Variants in GALNT14 observed in about 807,000 individuals in gnomAD.
The protein encoded by GALNT14 is polypeptide N-acetylgalactosaminyltransferase 14, also known as UDP-GalNAc:polypeptide N-acetylgalactosaminyltransferase 14.
A neutral mutation model predicts 77.5 loss-of-function variants in GALNT14; 60 were observed. The ratio of observed to expected loss-of-function variants is 0.77; its 90% CI spans 0.63 to 0.96. The LOEUF (loss-of-function observed/expected upper bound fraction) is 0.96. GALNT14 is among the 40% of genes least tolerant of loss of function. The pLI, the probability that GALNT14 is intolerant of heterozygous loss-of-function variation, is 0.00. For synonymous variants in GALNT14, 280 were observed against 281.7 expected (o/e 0.99, Z 0.06); for missense variants, 710 against 731.0 (o/e 0.97, Z 0.33).
chr2:30,910,736 CCT>C lies in GALNT14; in HGVS notation c.*163_*164del, dbSNP rs981875045. The C allele has an allele frequency of 1.2e-4, 78 of 654,022 alleles. No individual in the cohort carries two copies. The highest frequency in any genetic ancestry group is 1.9e-4 in the Non-Finnish European group (74 of 395,088). 40.5% of individuals were successfully genotyped at this position (654,022 alleles called of 1,614,324 possible). On this transcript the variant is annotated 3_prime_UTR_variant, in exon 15 of 15. Coordinates refer to ENST00000349752, the MANE Select transcript of GALNT14 (RefSeq NM_024572.4). The stretch of plus-strand genomic sequence containing the variant: ...GAGCCCCATTGGCTTGTGATGTTTT[CCT>C]CTGTCCTCCCTGAGACAGTTGCTCC...
At chr2:30,928,693 T>C (rs966530595) in intron 11 of GALNT14, among the ~76,000 whole-genome samples, 2 of 152,172 alleles carry the variant, frequency 1.3e-5, no homozygotes, top group Admixed American at 1.3e-4. Context: ...CTCGGCTCAC[T>C]GCAACCTCCG....
intron 1 of GALNT14, among the ~76,000 whole-genome samples, chr2:31,074,362 C>T (rs1288336394): frequency 3.9e-5 from 6 of 152,078 alleles, no homozygotes; most frequent in South Asian, 4.1e-4. Context: ...CCATATGCAG[C>T]GCTAGGCACA....
At position 31,138,132 on chromosome 2, in the gene GALNT14, A is replaced by C. The variant is rs748313233; in HGVS notation, c.-46T>G. 6.2e-7 allele frequency: 1 copy of C among 1,610,794 alleles called. No homozygotes were observed. Among genetic ancestry groups the C allele is most frequent in the Non-Finnish European group, 8.5e-7 (1 of 1,178,588 alleles). The stretch of plus-strand genomic sequence containing the variant: ...CTCCGCGGCGCTACGTCCCGGGGGC[A>C]CCCCCCGGCGGTCAGGGTTGGCGGG... On this transcript the variant is annotated 5_prime_UTR_variant, in exon 1 of 15. Coordinates refer to ENST00000349752, the MANE Select transcript of GALNT14 (RefSeq NM_024572.4).
At chr2:30,993,112 G>A (rs1669820310) in intron 1 of GALNT14, 105 bp from the exon 2 acceptor site, 1 of 1,244,580 alleles carries the variant, frequency 8.0e-7, no homozygotes, top group South Asian at 1.5e-5. Flanking sequence ...ATTCTGGCAA[G>A]GTTTGGCTCA....
intron 1 of GALNT14, among the ~76,000 whole-genome samples, chr2:31,113,723 C>A (rs955593565): frequency 6.6e-6 from 1 of 151,916 alleles, no homozygotes; most frequent in African/African-American, 2.4e-5. Context: ...CCCTTTCTAG[C>A]CTCATGCATT....
chr2:31,010,367 AG>A (rs1022664523), intron 1 of GALNT14, among the ~76,000 whole-genome samples: 26 of 152,196 alleles, frequency 1.7e-4, no homozygotes, highest in African/African-American at 5.8e-4. Flanking sequence ...TGGGAGGCCA[AG>A]GCGGGCAGAT....
At chr2:30,947,957 A>G (rs750613492) in intron 6 of GALNT14, among the ~76,000 whole-genome samples, 10 of 152,216 alleles carry the variant, frequency 6.6e-5, no homozygotes, top group Non-Finnish European at 1.3e-4. Context: ...GTTCATTCAT[A>G]GTCAGCACTG....
chr2:31,010,370 C>G (rs12989187), intron 1 of GALNT14, among the ~76,000 whole-genome samples: 1 of 151,942 alleles, frequency 6.6e-6, no homozygotes, highest in South Asian at 2.1e-4. Context: ...GAGGCCAAGG[C>G]GGGCAGATCA....
At chr2:30,982,429 C>T (rs1269574895) in intron 2 of GALNT14, among the ~76,000 whole-genome samples, 2 of 152,122 alleles carry the variant, frequency 1.3e-5, no homozygotes, top group Non-Finnish European at 2.9e-5. Context: ...CACTGATAGT[C>T]GAGTAGATAT....
chr2:31,072,463 G>GCC (rs1305789436), intron 1 of GALNT14, among the ~76,000 whole-genome samples: 2 of 149,680 alleles, frequency 1.3e-5, no homozygotes, highest in Non-Finnish European at 3.0e-5. Context: ...TCCTCTTTCT[G>GCC]CCCTATATCT....
chr2:31,130,788 G>GCA (rs1270451657), intron 1 of GALNT14, among the ~76,000 whole-genome samples: 7 of 141,100 alleles, frequency 5.0e-5, no homozygotes, highest in African/African-American at 1.9e-4. Context: ...GTGTGTGCGC[G>GCA]CGCACCTGTG....
chr2:31,119,330 T>C (rs1297811650), intron 1 of GALNT14, among the ~76,000 whole-genome samples: 2 of 152,046 alleles, frequency 1.3e-5, no homozygotes, highest in Admixed American at 1.3e-4. Flanking sequence ...TAAAGAACTA[T>C]CAATAACATG....
At chr2:30,954,250 C>A (rs1224235379) in intron 6 of GALNT14, among the ~76,000 whole-genome samples, 1 of 152,164 alleles carries the variant, frequency 6.6e-6, no homozygotes, top group East Asian at 1.9e-4. Context: ...TGGAGGGAGG[C>A]GTGCATTTGG....
intron 1 of GALNT14, among the ~76,000 whole-genome samples, chr2:31,130,804 G>A (rs1426888591): frequency 6.7e-6 from 1 of 150,248 alleles, no homozygotes; most frequent in South Asian, 2.1e-4. Context: ...CTGTGTGTGT[G>A]CCTGTGTGTG....
Position 30,911,069 on chromosome 2 carries a change from CAAAG to C in GALNT14, c.1501-14_1501-11del. ...CAGTTTTGGTCCATTGCTGGTAAGA[CAAAG>C]AAGAGAGTGAATGAACTAGGTGCCA... On this transcript the variant is annotated splice_polypyrimidine_tract_variant and intron_variant, in intron 14 of 14. Coordinates refer to ENST00000349752, the MANE Select transcript of GALNT14 (RefSeq NM_024572.4). 6.2e-7 allele frequency: 1 copy of C among 1,612,724 alleles called. No individual in the cohort carries two copies. The highest frequency in any genetic ancestry group is 1.1e-5 in the South Asian group (1 of 91,014).
the GALNT14 span, among the ~76,000 whole-genome samples, chr2:30,901,669 GTA>G: frequency 1.3e-5 from 2 of 151,658 alleles, no homozygotes; most frequent in Non-Finnish European, 2.9e-5. Context: ...ATATGTGTAT[GTA>G]TATATGTGTG....
chr2:30,968,026 C>T (rs1379543754), intron 2 of GALNT14, among the ~76,000 whole-genome samples: 1 of 152,182 alleles, frequency 6.6e-6, no homozygotes, highest in Non-Finnish European at 1.5e-5. Context: ...GAAGGTGTTC[C>T]ATACTCCCCC....
intron 1 of GALNT14, among the ~76,000 whole-genome samples, chr2:31,017,927 G>A (rs142187233): frequency 0.012 from 1,847 of 152,360 alleles, 21 homozygotes; most frequent in Non-Finnish European, 0.021. Context: ...ATGTCTGTGT[G>A]AGTAATAAGG....
chr2:31,017,524 A>AGT (rs1472821833), intron 1 of GALNT14, among the ~76,000 whole-genome samples: 1 of 152,238 alleles, frequency 6.6e-6, no homozygotes, highest in African/African-American at 2.4e-5. Context: ...AGATTAATGA[A>AGT]GTAAAGGGTT....
Sources: allele counts gnomAD v4.1 joint callset (sites outside exome capture counted in the v4.1 genomes callset), GRCh38; gene constraint gnomAD v4.1.1; transcripts MANE v1.5; gene names NCBI Gene and HGNC (gene_info 2026-07-23, HGNC 2026-07-21).